ALPK1: variants seen among roughly 807,000 people sequenced by gnomAD.
The protein encoded by ALPK1 is alpha kinase 1, also known as alpha-protein kinase 1.
ALPK1 carries 110 observed loss-of-function variants against 120.6 expected under a neutral mutation model. The ratio of observed to expected loss-of-function variants is 0.91; its 90% CI spans 0.78 to 1.07. ALPK1 has a LOEUF of 1.07. ALPK1 is among the 50% of genes least tolerant of loss of function. ALPK1 has a pLI of 0.00. For synonymous variants in ALPK1, 582 were observed against 560.3 expected, an observed-to-expected ratio of 1.04 and a Z score of -0.55; for missense variants, 1,498 against 1,483.9, an observed-to-expected ratio of 1.01 and a Z score of -0.16.
At chr4:112,398,219 T>C (rs933374155) in intron 4 of ALPK1, among the ~76,000 whole-genome samples, 1 of 152,028 alleles carries the variant, frequency 6.6e-6, no homozygotes, top group Non-Finnish European at 1.5e-5. Flanking sequence ...CAAATAAGAG[T>C]AAATAGGTCA....
chr4:112,316,791 A>G (rs1034349974), intron 2 of ALPK1, among the ~76,000 whole-genome samples: 1 of 150,640 alleles, frequency 6.6e-6, no homozygotes, highest in Non-Finnish European at 1.5e-5. Flanking sequence ...TGTCTATTCA[A>G]ACTTTGCCCA....
intron 2 of ALPK1, among the ~76,000 whole-genome samples, chr4:112,371,579 T>C (rs1025929782): frequency 7.2e-5 from 11 of 152,222 alleles, no homozygotes; most frequent in African/African-American, 2.7e-4. Flanking sequence ...AAGCCTCCCT[T>C]GATCTGCCCT....
At chr4:112,433,088 T>C (rs1294553926) in intron 11 of ALPK1, among the ~76,000 whole-genome samples, 2 of 152,238 alleles carry the variant, frequency 1.3e-5, no homozygotes, top group African/African-American at 4.8e-5. Flanking sequence ...TAGTTAAATA[T>C]CATCTTTCTA....
chr4:112,399,833 G>A (rs11735892), intron 4 of ALPK1, among the ~76,000 whole-genome samples: 52,478 of 151,914 alleles, frequency 0.35, 9,254 homozygotes, highest in East Asian at 0.48. Context: ...CCACTTATGA[G>A]TGAGAACGTG....
chr4:112,408,695 A>G (rs1411277759), intron 4 of ALPK1, among the ~76,000 whole-genome samples: 1 of 152,106 alleles, frequency 6.6e-6, no homozygotes, highest in East Asian at 1.9e-4. Context: ...GCTGGTCTTG[A>G]ACTTCTGACC....
At chr4:112,439,665 T>G in intron 13 of ALPK1, 21 bp from the exon 14 acceptor site, 2 of 1,589,758 alleles carry the variant, frequency 1.3e-6, no homozygotes, top group Non-Finnish European at 1.7e-6. Flanking sequence ...TGCTGTAATG[T>G]TTCTCATTGC....
At chr4:112,402,093 G>A (rs762490436) in intron 4 of ALPK1, among the ~76,000 whole-genome samples, 13 of 152,182 alleles carry the variant, frequency 8.5e-5, no homozygotes, top group South Asian at 2.1e-4. Context: ...CTATGCAGGC[G>A]TCAATCACTT....
At chr4:112,380,492 AT>A (rs1427640570) in intron 3 of ALPK1, among the ~76,000 whole-genome samples, 6 of 152,184 alleles carry the variant, frequency 3.9e-5, no homozygotes, top group African/African-American at 1.2e-4. Context: ...CCCATGTGAT[AT>A]CCCCTCAATG....
rs55964656 is a variant in ALPK1 at position 112,431,866 on chromosome 4, C to A, written c.2319C>A (p.Gly773=). 6.2e-7 allele frequency: 1 copy of A among 1,613,956 alleles called. No individual in the cohort carries two copies. Among genetic ancestry groups the A allele is most frequent in the Non-Finnish European group, 8.5e-7 (1 of 1,180,016 alleles). Residue 773 remains glycine (G), a synonymous_variant, in exon 11 of 16, where the codon GGC becomes GGA. Transcript: ENST00000650871. ...KEQGEEISER[G]AGPTFKASPS... ...AGGGAGAAGAAATTAGTGAAAGAGG[C>A]GCAGGCCCTACATTTAAAGCTAGTC...
intron 2 of ALPK1, among the ~76,000 whole-genome samples, chr4:112,377,032 AT>A: frequency 6.6e-6 from 1 of 152,310 alleles, no homozygotes; most frequent in South Asian, 2.1e-4. Flanking sequence ...TGCATAAGAA[AT>A]CTCTCAATTG....
intron 2 of ALPK1, among the ~76,000 whole-genome samples, chr4:112,319,341 C>A (rs2110542782): frequency 6.6e-6 from 1 of 152,202 alleles, no homozygotes; most frequent in South Asian, 2.1e-4. Context: ...AAGTTATGGA[C>A]CCATGGAGCA....
In ALPK1 at chr4:112,431,248, A is replaced by G. The variant is rs1734534926; in HGVS notation, c.1701A>G (p.Gly567=). 2 of 1,614,150 alleles carry G rather than the reference A, an allele frequency of 1.2e-6. No individual in the cohort carries two copies. The highest frequency in any genetic ancestry group is 1.1e-5 in the South Asian group (1 of 91,072). ...TEPSDYSNGE[G]AVFNKSLSGS... ...CATCGGACTACAGCAATGGTGAGGGAGCTGTTTTCAACAAGTCTCTGAGTG... is the reference window on the plus strand; with the variant it reads ...CATCGGACTACAGCAATGGTGAGGGGGCTGTTTTCAACAAGTCTCTGAGTG... Residue 567 remains glycine (G), a synonymous_variant, in exon 11 of 16, where the codon GGA becomes GGG. Coordinates refer to ENST00000650871, the MANE Select transcript of ALPK1 (RefSeq NM_025144.4).
rs1361455626 is a variant in ALPK1 at position 112,430,460 on chromosome 4, A to C, written c.913A>C (p.Thr305Pro). 1.9e-6 allele frequency: 3 copies of C among 1,572,908 alleles called. No individual in the cohort carries two copies. The African/African-American group carries it at 4.1e-5, about 21-fold the overall frequency. Reference protein sequence around the residue: ...FVLTAVNIRGTCLLSYSSSND... With the variant: ...FVLTAVNIRGPCLLSYSSSND... ...GTATTTTTCCCAGAATATCCGTGGC[A>C]CGTGTTTATTGTCCTACAGTAGTTC... The change falls in exon 11 of 16, where the codon ACG becomes CCG. Residue 305 changes from threonine to proline, a missense_variant. Coordinates refer to ENST00000650871, the MANE Select transcript of ALPK1 (RefSeq NM_025144.4).
At chr4:112,347,226 G>A (rs1730138832) in intron 2 of ALPK1, among the ~76,000 whole-genome samples, 1 of 152,152 alleles carries the variant, frequency 6.6e-6, no homozygotes, top group Non-Finnish European at 1.5e-5. Context: ...ATGATGATCA[G>A]TTTCTTCCCC....
intron 1 of ALPK1, among the ~76,000 whole-genome samples, chr4:112,312,233 A>G (rs992626916): frequency 6.6e-6 from 1 of 152,062 alleles, no homozygotes; most frequent in African/African-American, 2.4e-5. Flanking sequence ...TTTTTACAAT[A>G]ATACTGTTTT....
chr4:112,397,400 G>C (rs1732698309), intron 4 of ALPK1, among the ~76,000 whole-genome samples: 1 of 152,166 alleles, frequency 6.6e-6, no homozygotes, highest in Admixed American at 6.5e-5. Flanking sequence ...ATCACACTAG[G>C]CATGAATTAT....
chr4:112,330,990 G>A (rs1396928669), intron 2 of ALPK1, among the ~76,000 whole-genome samples: 3 of 152,172 alleles, frequency 2.0e-5, no homozygotes. Flanking sequence ...TGATGAAAGA[G>A]GTTCACTATG....
intron 2 of ALPK1, chr4:112,358,665 C>G: frequency 1.4e-6 from 1 of 713,654 alleles, no homozygotes; most frequent in South Asian, 1.5e-5. Context: ...GTGCTCCACC[C>G]TGTCTCTCCC....
At chr4:112,356,254 C>A in intron 2 of ALPK1, 3 of 1,410,206 alleles carry the variant, frequency 2.1e-6, no homozygotes, top group African/African-American at 1.4e-5. Context: ...TCCTGGAGAG[C>A]CCCGCGGGCA....
Sources: gnomAD v4.1 joint callset for allele counts (sites outside exome capture counted in the v4.1 genomes callset) on GRCh38, gnomAD v4.1.1 for gene constraint, MANE v1.5 for transcripts, NCBI Gene and HGNC (gene_info 2026-07-23, HGNC 2026-07-21) for gene names.